CNNM4: variants seen among roughly 807,000 people sequenced by gnomAD.
The protein encoded by CNNM4 is metal transporter CNNM4.
A neutral mutation model predicts 53.7 loss-of-function variants in CNNM4; 32 were observed. The observed-to-expected ratio is 0.60, with a 90% CI of 0.45 to 0.80. The LOEUF is 0.80. CNNM4 is among the 30% of genes least tolerant of loss of function. The pLI, the probability that CNNM4 is intolerant of heterozygous loss-of-function variation, is 0.00. For missense variants in CNNM4, 784 were observed against 1,022.0 expected, an observed-to-expected ratio of 0.77 and a Z score of 3.17; for synonymous variants, 410 against 440.0, an observed-to-expected ratio of 0.93 and a Z score of 0.85.
intron 1 of CNNM4, among the ~76,000 whole-genome samples, chr2:96,777,732 C>A (rs560605676): frequency 2.0e-5 from 3 of 150,706 alleles, no homozygotes; most frequent in African/African-American, 7.3e-5. Context: ...GAACTCCTGA[C>A]CTCAGGTGAT....
chr2:96,764,518 C>A (rs556677417), intron 1 of CNNM4, among the ~76,000 whole-genome samples: 5 of 152,078 alleles, frequency 3.3e-5, no homozygotes, highest in East Asian at 1.9e-4. Flanking sequence ...ACAGGCCCTG[C>A]GGCTTTATGC....
chr2:96,760,937 G>T lies in CNNM4; in HGVS notation c.-63G>T. 1.1e-6 allele frequency: 1 copy of T among 892,804 alleles called. No homozygotes were observed. The highest frequency in any genetic ancestry group is 1.3e-6 in the Non-Finnish European group (1 of 745,258). 55.3% of individuals were successfully genotyped at this position (892,804 alleles called of 1,614,324 possible). Reference sequence around the variant, plus strand: ...GCGGCAGCGGAGCGGCCGGAGCTGCGGTGCGGACCGGGGCCGCGCGGCGTG... The same window carrying T: ...GCGGCAGCGGAGCGGCCGGAGCTGCTGTGCGGACCGGGGCCGCGCGGCGTG... On this transcript the variant is annotated 5_prime_UTR_variant, in exon 1 of 7. Transcript: ENST00000377075.
rs1218939625 is a variant in CNNM4 at position 96,761,281 on chromosome 2, C to A, written c.282C>A (p.Thr94=). Residue 94 remains threonine (T), a synonymous_variant, in exon 1 of 7, where the codon ACC becomes ACA. Coordinates refer to ENST00000377075, the MANE Select transcript of CNNM4 (RefSeq NM_020184.4). This position sits in a 1 kb window ranked among gnomAD's most constrained non-coding sequence, Gnocchi z 6.0. Reference sequence around the variant, plus strand: ...TCTCCAGCAACCTGATCTCCTTCACCGAGGTGGACGATGCCGAGACCCTCC... The same window carrying A: ...TCTCCAGCAACCTGATCTCCTTCACAGAGGTGGACGATGCCGAGACCCTCC... ...GNISSNLISF[T]EVDDAETLHK... 2 of 1,613,876 alleles carry A rather than the reference C, an allele frequency of 1.2e-6. No homozygotes were observed. The highest frequency in any genetic ancestry group is 1.7e-6 in the Non-Finnish European group (2 of 1,180,024).
rs1350217071 is a variant in CNNM4 at position 96,811,828 on chromosome 2, T to C, written c.*2311T>C. 2 of 152,674 alleles carry C rather than the reference T, an allele frequency of 1.3e-5. No individual in the cohort carries two copies. Among genetic ancestry groups the C allele is most frequent in the African/African-American group, 2.4e-5 (1 of 41,464 alleles). The allele number at this position is 152,674 out of a possible 1,614,324, so 9.5% of individuals were successfully genotyped here. ...AAACAATGATATTTGCTAAACGATA[T>C]ATGGAATTTATTTTTGATTGGTAAT... is the stretch of plus-strand genomic sequence containing the variant. On this transcript the variant is annotated 3_prime_UTR_variant, in exon 7 of 7. Transcript: ENST00000377075.
chr2:96,808,554 C>T lies in CNNM4; in HGVS notation c.1949-7C>T. ...CTTTGGCATGACAACCTCTGCTCTC[C>T]CTGCAGACCGTTCCCCAGCACACCC... On this transcript the variant is annotated splice_polypyrimidine_tract_variant and splice_region_variant and intron_variant, in intron 5 of 6. Coordinates refer to ENST00000377075, the MANE Select transcript of CNNM4 (RefSeq NM_020184.4). This position sits in a 1 kb window ranked among gnomAD's most constrained non-coding sequence, Gnocchi z 4.9. The T allele has an allele frequency of 1.2e-6, 2 of 1,613,892 alleles. No individual in the cohort carries two copies. The highest frequency in any genetic ancestry group is 1.7e-6 in the Non-Finnish European group (2 of 1,179,964).
intron 1 of CNNM4, among the ~76,000 whole-genome samples, chr2:96,769,165 G>C (rs1268615380): frequency 1.3e-5 from 2 of 151,424 alleles, no homozygotes; most frequent in Non-Finnish European, 2.9e-5. Context: ...GCAGGAGAAT[G>C]GTGTGAACCC....
chr2:96,805,590 T>G (rs907163183), intron 5 of CNNM4, among the ~76,000 whole-genome samples: 1 of 124,298 alleles, frequency 8.0e-6, no homozygotes, highest in African/African-American at 3.1e-5. Flanking sequence ...CAGAGGACCC[T>G]GCGGCCTTCC....
rs568751789 is a variant in CNNM4, at chr2:96,770,167, C to T, written c.1402+7766C>T. ...TCACTTGACAGTTCTCTTCTCAGAG[C>T]TCTTGTTTGTGCAATGGAAGGCAAT... On this transcript the variant is annotated intron_variant, in intron 1 of 6. Transcript: ENST00000377075. 3.3e-5 allele frequency among the ~76,000 whole-genome samples: 5 copies of T among 152,360 alleles called. No individual in the cohort carries two copies. The East Asian group carries it at 9.7e-4, about 29-fold the overall frequency.
chr2:96,799,745 T>C, intron 5 of CNNM4, 97 bp downstream of exon 5: 2 of 1,058,846 alleles, frequency 1.9e-6, no homozygotes. Flanking sequence ...CGAGAGCTCA[T>C]AGCCAGCTGG....
chr2:96,805,440 A>AATTTTTTT (rs2079194974), intron 5 of CNNM4, among the ~76,000 whole-genome samples: 6 of 87,464 alleles, frequency 6.9e-5, no homozygotes, highest in East Asian at 3.6e-4. Context: ...TTTTTTTTTT[A>AATTTTTTT]TTATTTTTTT....
In CNNM4 at chr2:96,809,589, T is replaced by C; in HGVS notation, c.*72T>C. The C allele has an allele frequency of 1.5e-6, 2 of 1,355,368 alleles. No homozygotes were observed. The highest frequency in any genetic ancestry group is 2.1e-6 in the Non-Finnish European group (2 of 951,722). The allele number at this position is 1,355,368 out of a possible 1,614,324, so 84.0% of individuals were successfully genotyped here. On this transcript the variant is annotated 3_prime_UTR_variant, in exon 7 of 7. Transcript: ENST00000377075. ...TGGGCCCACATGAAGAGAGGGAACC[T>C]GTTAGTCCAGAAAGGATACGGATAG...
chr2:96,773,010 ACT>A (rs1440873749), intron 1 of CNNM4, among the ~76,000 whole-genome samples: 1 of 152,134 alleles, frequency 6.6e-6, no homozygotes, highest in Non-Finnish European at 1.5e-5. Context: ...AGGCAGGGCC[ACT>A]CACACATGTT....
In CNNM4 at chr2:96,797,306, A is replaced by C. The variant is rs2079112376; in HGVS notation, c.1546+151A>C. ...GTGCCCTGCACTGGCCGGGGTGAGC[A>C]GGGAGCAGGTTGCTGAGAGCAGTGC... On this transcript the variant is annotated intron_variant, in intron 2 of 6. Coordinates refer to ENST00000377075, the MANE Select transcript of CNNM4 (RefSeq NM_020184.4). The surrounding 1 kb of genome is among the most constrained non-coding windows in gnomAD (Gnocchi z 6.0). The C allele has an allele frequency of 1.5e-6, 2 of 1,357,584 alleles. No homozygotes were observed. Among genetic ancestry groups the C allele is most frequent in the East Asian group, 4.7e-5 (2 of 42,840 alleles). The allele number at this position is 1,357,584 out of a possible 1,614,324, so 84.1% of individuals were successfully genotyped here.
intron 1 of CNNM4, among the ~76,000 whole-genome samples, chr2:96,794,363 C>T (rs1409739821): frequency 6.6e-6 from 1 of 152,174 alleles, no homozygotes; most frequent in Admixed American, 6.5e-5. Flanking sequence ...CCTCCCCAAA[C>T]TCCAAATACC....
chr2:96,796,926 C>T (rs1299160908), intron 1 of CNNM4, 86 bp from the exon 2 acceptor site: 6 of 1,410,342 alleles, frequency 4.3e-6, no homozygotes, highest in African/African-American at 4.3e-5. Context: ...TGACTTATGA[C>T]CCTACGTCTA....
chr2:96,796,028 C>T (rs1253305714), intron 1 of CNNM4, among the ~76,000 whole-genome samples: 1 of 151,034 alleles, frequency 6.6e-6, no homozygotes, highest in Non-Finnish European at 1.5e-5. Context: ...TAGTCTCTGC[C>T]CCACCTAATC....
chr2:96,809,197 G>A, intron 6 of CNNM4, 123 bp from the exon 7 acceptor site: 3 of 1,542,752 alleles, frequency 1.9e-6, no homozygotes, highest in Non-Finnish European at 2.6e-6. Context: ...GGCTTCCAGA[G>A]ACGCTGACTG....
chr2:96,773,123 C>A (rs994677766), intron 1 of CNNM4, among the ~76,000 whole-genome samples: 2 of 151,866 alleles, frequency 1.3e-5, no homozygotes, highest in African/African-American at 4.8e-5. Context: ...TAAACCGAAA[C>A]CTATTTCTCA....
intron 1 of CNNM4, among the ~76,000 whole-genome samples, chr2:96,770,484 G>C (rs1032520889): frequency 7.9e-5 from 12 of 152,192 alleles, no homozygotes; most frequent in Non-Finnish European, 1.2e-4. Flanking sequence ...TAGACATGGC[G>C]TTTTCCACTC....
Sources: allele counts gnomAD v4.1 joint callset (sites outside exome capture counted in the v4.1 genomes callset), GRCh38; gene constraint gnomAD v4.1.1; non-coding constraint Gnocchi (gnomAD v3.1); transcripts MANE v1.5; gene names NCBI Gene and HGNC (gene_info 2026-07-23, HGNC 2026-07-21).